BCL2L13: variants seen among roughly 807,000 people sequenced by gnomAD.
BCL2L13 encodes the protein bcl-2-like protein 13.
Under a neutral mutation model 25.8 loss-of-function variants are expected in BCL2L13, and 13 were observed. That is an observed-to-expected ratio of 0.50 (90% CI 0.33 to 0.80). The LOEUF is 0.80. BCL2L13 is among the 30% of genes least tolerant of loss of function. BCL2L13 has a pLI of 0.02. For missense variants in BCL2L13, 504 were observed against 574.9 expected, an observed-to-expected ratio of 0.88 and a Z score of 1.26; for synonymous variants, 244 against 230.3, an observed-to-expected ratio of 1.06 and a Z score of -0.54.
At chr22:17,638,525 G>A (rs530272196), upstream of BCL2L13, 22 of 484,630 alleles carry the variant, frequency 4.5e-5, no homozygotes, top group East Asian at 4.6e-4. Context: ...CGACCAGCCG[G>A]TCAGAATCCC....
chr22:17,663,029 C>G (rs907004106), intron 2 of BCL2L13, among the ~76,000 whole-genome samples: 3 of 151,924 alleles, frequency 2.0e-5, no homozygotes, highest in Non-Finnish European at 4.4e-5. Context: ...CACCACCATG[C>G]CCAGCTAATT....
chr22:17,648,479 C>T (rs2058570383), intron 1 of BCL2L13, among the ~76,000 whole-genome samples: 1 of 151,868 alleles, frequency 6.6e-6, no homozygotes, highest in Non-Finnish European at 1.5e-5. Flanking sequence ...TGGAGGATCA[C>T]TTGGGGCCTG....
intron 2 of BCL2L13, among the ~76,000 whole-genome samples, chr22:17,660,488 T>C (rs914200397): frequency 2.7e-5 from 4 of 146,308 alleles, no homozygotes; most frequent in African/African-American, 9.7e-5. Flanking sequence ...GATATGATCT[T>C]GGCTCACTGC....
intron 4 of BCL2L13, among the ~76,000 whole-genome samples, chr22:17,691,861 A>T (rs2060117335): frequency 6.8e-6 from 1 of 147,632 alleles, no homozygotes; most frequent in Non-Finnish European, 1.5e-5. Context: ...TTCTCACAGC[A>T]AATTCTATTT....
chr22:17,702,395 T>G lies in BCL2L13; in HGVS notation c.600+9T>G. 6.5e-7 allele frequency: 1 copy of G among 1,540,144 alleles called. No individual in the cohort carries two copies. The highest frequency in any genetic ancestry group is 8.7e-7 in the Non-Finnish European group (1 of 1,150,192). ...TTCAGCAAGGTGGCTGGGTATGAGCTGTTATATATTAAAAATATTTTCTTG... is the reference window on the plus strand; with the variant it reads ...TTCAGCAAGGTGGCTGGGTATGAGCGGTTATATATTAAAAATATTTTCTTG... On this transcript the variant is annotated intron_variant, in intron 6 of 6. Coordinates refer to ENST00000317582, the MANE Select transcript of BCL2L13 (RefSeq NM_015367.4).
chr22:17,646,596 C>G (rs5746452), intron 1 of BCL2L13, among the ~76,000 whole-genome samples: 2 of 150,706 alleles, frequency 1.3e-5, no homozygotes, highest in African/African-American at 5.0e-5. Context: ...TTACTCACTT[C>G]TGGATACCAA....
chr22:17,695,449 G>A (rs912238913), intron 4 of BCL2L13, among the ~76,000 whole-genome samples: 1 of 152,078 alleles, frequency 6.6e-6, no homozygotes, highest in Non-Finnish European at 1.5e-5. Flanking sequence ...AGCCTCCCGA[G>A]TTGCTGGGAC....
At chr22:17,711,647 A>G (rs923484832) in intron 6 of BCL2L13, among the ~76,000 whole-genome samples, 5 of 152,176 alleles carry the variant, frequency 3.3e-5, no homozygotes, top group African/African-American at 1.2e-4. Context: ...TTAGAGCCCT[A>G]AAGGTCTGTT....
intron 4 of BCL2L13, chr22:17,692,252 A>G (rs555920133): frequency 6.6e-6 from 1 of 152,336 alleles, no homozygotes; most frequent in East Asian, 1.9e-4. Flanking sequence ...TTATTTAGCT[A>G]CTTACTTTTC....
At chr22:17,651,159 C>T (rs1275210371) in intron 1 of BCL2L13, among the ~76,000 whole-genome samples, 1 of 151,722 alleles carries the variant, frequency 6.6e-6, no homozygotes, top group East Asian at 1.9e-4. Context: ...GCTACCATGC[C>T]CAGCTAATTT....
At chr22:17,717,380 C>CAAAAAAGAAAAAAAAAAAAAAAAAAAA (rs2060976185) in intron 6 of BCL2L13, among the ~76,000 whole-genome samples, 1 of 126,256 alleles carries the variant, frequency 7.9e-6, no homozygotes, top group African/African-American at 3.5e-5. Flanking sequence ...GACTCTGTCT[C>CAAAAAAGAAAAAAAAAAAAAAAAAAAA]AAAAAAGATC....
chr22:17,687,594 G>C (rs2059981396), intron 3 of BCL2L13, among the ~76,000 whole-genome samples: 1 of 152,042 alleles, frequency 6.6e-6, no homozygotes. Flanking sequence ...TCGGCCTACT[G>C]CAAGTTCTGC....
At chr22:17,701,199 C>G (rs772607314) in intron 5 of BCL2L13, among the ~76,000 whole-genome samples, 1 of 152,068 alleles carries the variant, frequency 6.6e-6, no homozygotes, top group East Asian at 1.9e-4. Flanking sequence ...ATTGTAATGG[C>G]ATCTTTTATG....
chr22:17,674,590 T>C (rs1296481606), intron 2 of BCL2L13, among the ~76,000 whole-genome samples: 1 of 122,876 alleles, frequency 8.1e-6, no homozygotes, highest in Non-Finnish European at 1.7e-5. Context: ...TGGGCAACCG[T>C]GTGAGACTCT....
In BCL2L13 at chr22:17,657,823, CT is replaced by C. The variant is rs71201859; in HGVS notation, c.121+2012del. ...GAGCCACCACACCTGGTTGACATTT[CT>C]TTTTTTTTTTTTTTTTTTTTGAGAT... On this transcript the variant is annotated intron_variant, in intron 2 of 6. Coordinates refer to ENST00000317582, the MANE Select transcript of BCL2L13 (RefSeq NM_015367.4). 3.7e-3 allele frequency among the ~76,000 whole-genome samples: 314 copies of C among 85,742 alleles called. 2 individuals are homozygous for C. The highest frequency in any genetic ancestry group is 5.0e-3 in the Non-Finnish European group (238 of 48,008). The allele number at this position is 85,742 out of a possible 152,430, so 56.3% of individuals were successfully genotyped here.
intron 5 of BCL2L13, among the ~76,000 whole-genome samples, chr22:17,701,841 T>TGTGTTGTACTC (rs2060444404): frequency 6.7e-6 from 1 of 150,348 alleles, no homozygotes; most frequent in Non-Finnish European, 1.5e-5. Flanking sequence ...AGAGAATCGC[T>TGTGTTGTACTC]TGAACCTGGG....
chr22:17,718,806 C>G (rs2061017949), intron 6 of BCL2L13, among the ~76,000 whole-genome samples: 1 of 152,184 alleles, frequency 6.6e-6, no homozygotes. Flanking sequence ...TAGTCTCAAC[C>G]CAATTACAAG....
intron 6 of BCL2L13, among the ~76,000 whole-genome samples, chr22:17,705,772 G>T (rs1568996601): frequency 6.6e-6 from 1 of 152,044 alleles, no homozygotes; most frequent in African/African-American, 2.4e-5. Context: ...AAAGCCTGTG[G>T]TATGATTTCC....
rs141905819 is a variant in BCL2L13, at chr22:17,701,851, G to T, written c.457-392G>T. Among the ~76,000 whole-genome samples, 718 of 151,420 alleles carry T rather than the reference G, an allele frequency of 4.7e-3. 8 individuals carry two copies. Among genetic ancestry groups the T allele is most frequent in the African/African-American group, 0.017 (692 of 41,214 alleles). ...TGAGCAGAGAATCGCTTGAACCTGG[G>T]AGGCGGAGGCTGCAGTGAGCCAAGA... On this transcript the variant is annotated intron_variant, in intron 5 of 6. Coordinates refer to ENST00000317582, the MANE Select transcript of BCL2L13 (RefSeq NM_015367.4).
Sources: gnomAD v4.1 joint callset for allele counts (sites outside exome capture counted in the v4.1 genomes callset) on GRCh38, gnomAD v4.1.1 for gene constraint, MANE v1.5 for transcripts, NCBI Gene and HGNC (gene_info 2026-07-23, HGNC 2026-07-21) for gene names.